Variants in NEK11 observed in about 807,000 individuals in gnomAD.
NEK11 encodes the protein NIMA related kinase 11, also known as serine/threonine-protein kinase Nek11.
A neutral mutation model predicts 80.7 loss-of-function variants in NEK11; 72 were observed. That is an observed-to-expected ratio of 0.89 (90% CI 0.74 to 1.08). The LOEUF is 1.08. Ranked by LOEUF, NEK11 falls within the 50% of genes least tolerant of loss-of-function variation. NEK11 has a pLI of 0.00. For missense variants in NEK11, 764 were observed against 763.6 expected, an observed-to-expected ratio of 1.00 and a Z score of -0.01; for synonymous variants, 251 against 260.7, an observed-to-expected ratio of 0.96 and a Z score of 0.36.
At chr3:131,062,232 ATTG>A (rs1473474746) in intron 3 of NEK11, among the ~76,000 whole-genome samples, 1 of 152,136 alleles carries the variant, frequency 6.6e-6, no homozygotes, top group Admixed American at 6.6e-5. Flanking sequence ...TAATTTTCAT[ATTG>A]TTGTGTAACT....
intron 3 of NEK11, among the ~76,000 whole-genome samples, chr3:131,071,685 A>C (rs1407198316): frequency 1.3e-5 from 2 of 152,106 alleles, no homozygotes; most frequent in Non-Finnish European, 2.9e-5. Flanking sequence ...AAATGTACTA[A>C]TAACAAAGAA....
rs1245832356 is a variant in NEK11 at position 131,152,489 on chromosome 3, C to A, written c.749C>A (p.Pro250His). 3 of 1,613,542 alleles carry A rather than the reference C, an allele frequency of 1.9e-6. No homozygotes were observed. Among genetic ancestry groups the A allele is most frequent in the Non-Finnish European group, 2.5e-6 (3 of 1,179,670 alleles). ...TTAAAAATTGTTGAAGGTGACACAC[C>A]TTCTCTCCCTGAGAGATATCCAAAA... ...IVLKIVEGDT[P>H]SLPERYPKEL... The change falls in exon 8 of 18, where the codon CCT becomes CAT. Residue 250 changes from proline to histidine, a missense_variant. By Grantham distance (77) the Pro-to-His change is moderately conservative. Transcript: ENST00000383366.
intron 16 of NEK11, among the ~76,000 whole-genome samples, chr3:131,248,707 T>C (rs940045562): frequency 6.6e-6 from 1 of 152,170 alleles, no homozygotes; most frequent in Non-Finnish European, 1.5e-5. Flanking sequence ...CCATCCTCTC[T>C]TCACTGGGAT....
intron 17 of NEK11, among the ~76,000 whole-genome samples, chr3:131,311,401 AC>A (rs559554651): frequency 6.6e-6 from 1 of 152,114 alleles, no homozygotes; most frequent in Non-Finnish European, 1.5e-5. Context: ...ACCTTTGTTC[AC>A]CCCCCTCAAC....
At chr3:131,046,849 G>A (rs2067478087) in intron 3 of NEK11, among the ~76,000 whole-genome samples, 1 of 152,156 alleles carries the variant, frequency 6.6e-6, no homozygotes, top group Admixed American at 6.5e-5. Flanking sequence ...CTCTAGCAAG[G>A]CCAGGTAAGT....
chr3:131,192,203 T>G (rs952937541), intron 14 of NEK11, among the ~76,000 whole-genome samples: 1 of 152,120 alleles, frequency 6.6e-6, no homozygotes, highest in Non-Finnish European at 1.5e-5. Context: ...ATATCACTAA[T>G]CACTAGGAAA....
chr3:131,201,543 T>C (rs555490062), intron 14 of NEK11, among the ~76,000 whole-genome samples: 2 of 152,278 alleles, frequency 1.3e-5, no homozygotes, highest in East Asian at 3.9e-4. Flanking sequence ...TGCCTCTCCT[T>C]TTACCCAGCA....
intron 17 of NEK11, among the ~76,000 whole-genome samples, chr3:131,332,545 T>C (rs1455230517): frequency 1.3e-5 from 2 of 152,126 alleles, no homozygotes; most frequent in Admixed American, 6.5e-5. Flanking sequence ...CTGGAAACTC[T>C]AAAAAACAGA....
intron 4 of NEK11, among the ~76,000 whole-genome samples, chr3:131,096,170 C>T (rs1279120857): frequency 6.6e-6 from 1 of 151,850 alleles, no homozygotes; most frequent in African/African-American, 2.4e-5. Flanking sequence ...TTTTTCAACT[C>T]ACATCCCCCT....
At chr3:131,283,634 C>T (rs993318378) in intron 17 of NEK11, among the ~76,000 whole-genome samples, 1 of 151,992 alleles carries the variant, frequency 6.6e-6, no homozygotes, top group Non-Finnish European at 1.5e-5. Context: ...ATTGAAGTAA[C>T]CCTTTAATGG....
At chr3:131,067,000 G>A (rs905950751) in intron 3 of NEK11, among the ~76,000 whole-genome samples, 5 of 152,102 alleles carry the variant, frequency 3.3e-5, no homozygotes, top group African/African-American at 1.2e-4. Flanking sequence ...TCCTAGCACA[G>A]TACATGGTGC....
chr3:131,079,599 CTT>C (rs1188577761), intron 3 of NEK11, among the ~76,000 whole-genome samples: 1 of 151,894 alleles, frequency 6.6e-6, no homozygotes, highest in Non-Finnish European at 1.5e-5. Flanking sequence ...TTATCAGACT[CTT>C]TTTTTTCTTA....
In NEK11 at chr3:131,133,813, T is replaced by C. The variant is rs759990204; in HGVS notation, c.521-17T>C. ...CGTTGGCTTAAAGTATTCATAAAAA[T>C]TAATTATTATTTCAAGGAGATTTTG... On this transcript the variant is annotated splice_polypyrimidine_tract_variant and intron_variant, in intron 6 of 17. Coordinates refer to ENST00000383366, the MANE Select transcript of NEK11 (RefSeq NM_024800.5). 1 of 1,600,636 alleles carries C rather than the reference T, an allele frequency of 6.2e-7. No homozygotes were observed. The highest frequency in any genetic ancestry group is 1.3e-5 in the African/African-American group (1 of 74,256).
chr3:131,240,091 T>C (rs1188068849), intron 15 of NEK11, among the ~76,000 whole-genome samples: 1 of 152,172 alleles, frequency 6.6e-6, no homozygotes, highest in African/African-American at 2.4e-5. Flanking sequence ...CAATGTAATT[T>C]TTTTTTCCCT....
intron 14 of NEK11, among the ~76,000 whole-genome samples, chr3:131,212,292 C>T (rs1055823859): frequency 1.3e-5 from 2 of 152,340 alleles, no homozygotes; most frequent in African/African-American, 4.8e-5. Context: ...GTATCACCAG[C>T]GGAGGCTGCA....
chr3:131,067,999 T>C (rs2148886586), intron 3 of NEK11, among the ~76,000 whole-genome samples: 1 of 152,334 alleles, frequency 6.6e-6, no homozygotes, highest in South Asian at 2.1e-4. Context: ...AGTGTTCTCA[T>C]CTGTAAGATG....
chr3:131,186,317 A>G (rs984800321), intron 14 of NEK11, among the ~76,000 whole-genome samples: 4 of 152,200 alleles, frequency 2.6e-5, no homozygotes, highest in Non-Finnish European at 5.9e-5. Flanking sequence ...TCTACATATC[A>G]AATGATGGTC....
chr3:131,034,480 A>G (rs1251129730), intron 3 of NEK11, among the ~76,000 whole-genome samples: 2 of 152,138 alleles, frequency 1.3e-5, no homozygotes, highest in Non-Finnish European at 2.9e-5. Flanking sequence ...GCTCACTGCA[A>G]GCTCCGCCTC....
intron 17 of NEK11, among the ~76,000 whole-genome samples, chr3:131,336,350 A>G (rs1167396812): frequency 6.6e-6 from 1 of 152,248 alleles, no homozygotes; most frequent in Non-Finnish European, 1.5e-5. Context: ...CAAACCTGAG[A>G]AAAACAAGCA....
Sources: allele counts gnomAD v4.1 joint callset (sites outside exome capture counted in the v4.1 genomes callset), GRCh38; gene constraint gnomAD v4.1.1; transcripts MANE v1.5; gene names NCBI Gene and HGNC (gene_info 2026-07-23, HGNC 2026-07-21).